The following CDH12 variants were observed in gnomAD, a reference collection of about 807,000 sequenced individuals.
The protein encoded by CDH12 is cadherin 12.
CDH12 carries 41 observed loss-of-function variants against 74.1 expected under a neutral mutation model. That is an observed-to-expected ratio of 0.55 (90% confidence interval 0.43 to 0.72). CDH12 has a LOEUF of 0.72. Among genes scored for constraint, CDH12 ranks in the 30% least tolerant of loss-of-function variants. The pLI is 0.00. For synonymous variants in CDH12, 399 were observed against 355.0 expected, an observed-to-expected ratio of 1.12 and a Z score of -1.39; for missense variants, 945 against 977.2, an observed-to-expected ratio of 0.97 and a Z score of 0.44.
chr5:22,466,776 C>CTT (rs70959733), intron 2 of CDH12, among the ~76,000 whole-genome samples: 1,457 of 50,988 alleles, frequency 0.029, 387 homozygotes, highest in East Asian at 0.067. Context: ...CCTCAGGAAT[C>CTT]TTTTTTTTTT....
At chr5:22,237,385 C>T (rs780188857) in intron 3 of CDH12, among the ~76,000 whole-genome samples, 8 of 152,140 alleles carry the variant, frequency 5.3e-5, no homozygotes, top group Non-Finnish European at 7.3e-5. Context: ...CCCCCAAATT[C>T]ATACGTTAAA....
In CDH12 at chr5:22,032,727, A is replaced by G. The variant is rs146762947; in HGVS notation, c.231+45719T>C. Among the ~76,000 whole-genome samples, 507 of 147,450 alleles carry G rather than the reference A, an allele frequency of 3.4e-3. 6 individuals carry two copies. The highest frequency in any genetic ancestry group is 5.2e-3 in the Non-Finnish European group (351 of 67,292). On this transcript the variant is annotated intron_variant, in intron 5 of 14. Transcript: ENST00000382254. ...CATCTCAAAAAAAAAAAATGTATAT[A>G]CATATTTTTGTATATATACATATTT...
At chr5:22,051,971 TG>T (rs1425768853) in intron 5 of CDH12, among the ~76,000 whole-genome samples, 2 of 152,180 alleles carry the variant, frequency 1.3e-5, no homozygotes, top group African/African-American at 4.8e-5. Flanking sequence ...TTCCAAGAGC[TG>T]AAAGTAAACA....
chr5:22,584,650 C>T (rs1651100373), intron 1 of CDH12, among the ~76,000 whole-genome samples: 2 of 152,172 alleles, frequency 1.3e-5, no homozygotes, highest in Admixed American at 1.3e-4. Flanking sequence ...GGTCATCTCA[C>T]TTTGGTTTTC....
chr5:22,382,999 T>A (rs1272219229), intron 3 of CDH12, among the ~76,000 whole-genome samples: 1 of 152,032 alleles, frequency 6.6e-6, no homozygotes, highest in African/African-American at 2.4e-5. Flanking sequence ...CCCAGCACAT[T>A]TTTTGTGTTT....
At chr5:22,693,791 A>G (rs1316021092) in intron 1 of CDH12, among the ~76,000 whole-genome samples, 1 of 152,142 alleles carries the variant, frequency 6.6e-6, no homozygotes, top group East Asian at 1.9e-4. Flanking sequence ...GTCTGCATAT[A>G]CAAATGAGGA....
At chr5:22,757,540 A>C (rs969794968) in intron 1 of CDH12, among the ~76,000 whole-genome samples, 10 of 152,194 alleles carry the variant, frequency 6.6e-5, no homozygotes, top group African/African-American at 2.4e-4. Context: ...TGCTCAGGTA[A>C]AAGTTCTATT....
chr5:22,148,475 G>T (rs1747353120), intron 4 of CDH12, among the ~76,000 whole-genome samples: 7 of 151,786 alleles, frequency 4.6e-5, no homozygotes. Context: ...TGCATTTGAA[G>T]AGATCTATAT....
chr5:22,426,718 T>C (rs1743955271), intron 2 of CDH12, among the ~76,000 whole-genome samples: 1 of 152,316 alleles, frequency 6.6e-6, no homozygotes, highest in Admixed American at 6.5e-5. Context: ...TTATCTCCTA[T>C]AATTAAAAGT....
chr5:21,855,388 T>A (rs940979295), intron 6 of CDH12, among the ~76,000 whole-genome samples: 6 of 151,688 alleles, frequency 4.0e-5, no homozygotes, highest in African/African-American at 1.4e-4. Context: ...CACAGTCAAA[T>A]GATCTGCAGC....
chr5:21,930,798 C>T (rs1047224612), intron 6 of CDH12, among the ~76,000 whole-genome samples: 12 of 152,166 alleles, frequency 7.9e-5, no homozygotes, highest in Admixed American at 2.0e-4. Context: ...TCAACAACTT[C>T]GTATAATAAG....
At chr5:22,004,355 A>G (rs2150146675) in intron 5 of CDH12, among the ~76,000 whole-genome samples, 1 of 152,334 alleles carries the variant, frequency 6.6e-6, no homozygotes, top group East Asian at 1.9e-4. Flanking sequence ...GGACTAGTGT[A>G]CATTGTTAGC....
intron 3 of CDH12, among the ~76,000 whole-genome samples, chr5:22,280,970 C>T (rs1253690211): frequency 1.3e-5 from 2 of 152,044 alleles, no homozygotes; most frequent in African/African-American, 4.8e-5. Flanking sequence ...TGCAAAAATC[C>T]TCAATAAAAT....
intron 1 of CDH12, among the ~76,000 whole-genome samples, chr5:22,685,534 C>T (rs894915772): frequency 2.6e-5 from 4 of 152,196 alleles, no homozygotes; most frequent in Admixed American, 6.5e-5. Context: ...CTGCGCCCAG[C>T]GCCATATCCA....
At chr5:22,703,999 C>T (rs896355224) in intron 1 of CDH12, among the ~76,000 whole-genome samples, 1 of 152,056 alleles carries the variant, frequency 6.6e-6, no homozygotes, top group African/African-American at 2.4e-5. Context: ...GATAACTGTC[C>T]ACTCACCAAA....
In CDH12 at chr5:21,751,829, A is replaced by T; in HGVS notation, c.2293T>A (p.Tyr765Asn). 6.2e-7 allele frequency: 1 copy of T among 1,614,086 alleles called. No individual in the cohort carries two copies. The highest frequency in any genetic ancestry group is 1.1e-5 in the South Asian group (1 of 91,080). Residue 765 changes from tyrosine to asparagine, a missense_variant, in exon 15 of 15, where the codon TAT (tyrosine) becomes AAT (asparagine). By Grantham distance (143) the Tyr-to-Asn change is moderately radical. Coordinates refer to ENST00000382254, the MANE Select transcript of CDH12 (RefSeq NM_004061.5). ...DSLTTEADQD[Y>N]DYLTDWGPRF... is the part of the protein sequence containing the mutation. ...GGTCCCCAGTCTGTCAGATAGTCAT[A>T]GTCCTGGTCGGCTTCTGTGGTGAGA...
intron 1 of CDH12, among the ~76,000 whole-genome samples, chr5:22,581,150 A>C (rs1167077195): frequency 6.6e-6 from 1 of 152,184 alleles, no homozygotes; most frequent in Non-Finnish European, 1.5e-5. Context: ...CAATGGGGAA[A>C]ATGTTTCCAG....
intron 3 of CDH12, among the ~76,000 whole-genome samples, chr5:22,220,420 T>G (rs2150368376): frequency 6.6e-6 from 1 of 151,842 alleles, no homozygotes; most frequent in East Asian, 1.9e-4. Context: ...ACATATAAAT[T>G]TTCACATTAT....
At chr5:22,800,394 A>AT (rs1437392896) in intron 1 of CDH12, among the ~76,000 whole-genome samples, 3 of 152,130 alleles carry the variant, frequency 2.0e-5, no homozygotes, top group Non-Finnish European at 2.9e-5. Context: ...TATAATAGAT[A>AT]TTTTTTAGGG....
Sources: gnomAD v4.1 joint callset for allele counts (sites outside exome capture counted in the v4.1 genomes callset) on GRCh38, gnomAD v4.1.1 for gene constraint, MANE v1.5 for transcripts, NCBI Gene and HGNC (gene_info 2026-07-23, HGNC 2026-07-21) for gene names.